KIAA0040: variants seen among roughly 807,000 people sequenced by gnomAD.
The protein encoded by KIAA0040 is uncharacterized protein KIAA0040.
Under a neutral mutation model 7.2 loss-of-function variants are expected in KIAA0040, and 10 were observed. That is an observed-to-expected ratio of 1.38 (90% CI 0.85 to 2.34). The LOEUF is 2.34. Ranked by LOEUF, KIAA0040 falls within the 30% of genes most tolerant of loss-of-function variation. The pLI is 0.00. For synonymous variants in KIAA0040, 49 were observed against 40.1 expected, an observed-to-expected ratio of 1.22 and a Z score of -0.84; for missense variants, 89 against 108.2, an observed-to-expected ratio of 0.82 and a Z score of 0.79.
rs1676526905 is a variant in KIAA0040 at position 175,161,120 on chromosome 1, T to C, written c.-107A>G. On this transcript the variant is annotated 5_prime_UTR_variant, in exon 4 of 4. Transcript: ENST00000423313. The stretch of plus-strand genomic sequence containing the variant: ...TTGTAATTTATTCCTCTTCCAGCTT[T>C]GGGTTTGGGCATGCCACTGGCAGCA... The C allele has an allele frequency of 2.6e-6, 3 of 1,136,820 alleles. No individual in the cohort carries two copies. The highest frequency in any genetic ancestry group is 1.6e-5 in the African/African-American group (1 of 63,474). 70.4% of individuals were successfully genotyped at this position (1,136,820 alleles called of 1,614,324 possible).
In KIAA0040 at chr1:175,186,489, C is replaced by T. The variant is rs150266285; in HGVS notation, c.-384+6151G>A. Among the ~76,000 whole-genome samples, 26 of 152,288 alleles carry T rather than the reference C, an allele frequency of 1.7e-4. 1 individual carries two copies. Among genetic ancestry groups the T allele is most frequent in the Admixed American group, 1.2e-3 (18 of 15,300 alleles). On this transcript the variant is annotated intron_variant, in intron 1 of 3. Transcript: ENST00000423313. ...CTGGAAAATGTCAGTCAGGAGCATC[C>T]GAACTTCTTCCTCTGTGGCACATGC...
At chr1:175,168,200 G>A (rs776050188) in intron 2 of KIAA0040, among the ~76,000 whole-genome samples, 1 of 152,172 alleles carries the variant, frequency 6.6e-6, no homozygotes, top group Non-Finnish European at 1.5e-5. Context: ...GCATGCTCAG[G>A]TGCCCTCTAA....
intron 1 of KIAA0040, among the ~76,000 whole-genome samples, chr1:175,189,356 C>G (rs1160638998): frequency 6.6e-6 from 1 of 152,172 alleles, no homozygotes. Flanking sequence ...AAAAAAGCAT[C>G]CCCTCCATGT....
rs929341851 is a variant in KIAA0040, at chr1:175,158,754, A to C, written c.*1960T>G. On this transcript the variant is annotated 3_prime_UTR_variant, in exon 4 of 4. Transcript: ENST00000423313. ...AAGGGGTTGATGAGTGGGAGGCCTG[A>C]GTGCTTAGGCAGTTTATGGCCATAT... 2 of 152,218 alleles carry C rather than the reference A, an allele frequency of 1.3e-5. No homozygotes were observed. The highest frequency in any genetic ancestry group is 2.9e-5 in the Non-Finnish European group (2 of 68,052). 9.4% of individuals were successfully genotyped at this position (152,218 alleles called of 1,614,324 possible). A position where few individuals can be genotyped will look rare whatever the true frequency, so the allele number is the denominator to read the frequency against.
chr1:175,187,386 A>C (rs529787853), intron 1 of KIAA0040, among the ~76,000 whole-genome samples: 1 of 152,268 alleles, frequency 6.6e-6, no homozygotes, highest in African/African-American at 2.4e-5. Context: ...AGTGTGCATG[A>C]GTGGCTGTCT....
At chr1:175,192,616 A>G (rs1348650626) in intron 1 of KIAA0040, 24 bp downstream of exon 1, 2 of 152,244 alleles carry the variant, frequency 1.3e-5, no homozygotes, top group African/African-American at 2.4e-5. Flanking sequence ...TTTAAAAAAC[A>G]TAACAGAAAG....
intron 1 of KIAA0040, among the ~76,000 whole-genome samples, chr1:175,181,847 G>A (rs1677451058): frequency 6.6e-6 from 1 of 152,224 alleles, no homozygotes; most frequent in Non-Finnish European, 1.5e-5. Context: ...GGCTGCTCAA[G>A]AAACCCAGCT....
chr1:175,190,944 CT>C (rs1571222967), intron 1 of KIAA0040, among the ~76,000 whole-genome samples: 1 of 152,334 alleles, frequency 6.6e-6, no homozygotes, highest in East Asian at 1.9e-4. Flanking sequence ...CACACTTTCC[CT>C]AGGAACTCCT....
At chr1:175,173,581 G>A (rs1453177085) in intron 2 of KIAA0040, among the ~76,000 whole-genome samples, 1 of 152,192 alleles carries the variant, frequency 6.6e-6, no homozygotes, top group Non-Finnish European at 1.5e-5. Flanking sequence ...AGATCCTACT[G>A]TAACCACCAT....
chr1:175,175,337 C>T (rs1164844450), intron 2 of KIAA0040, among the ~76,000 whole-genome samples: 1 of 151,466 alleles, frequency 6.6e-6, no homozygotes, highest in Non-Finnish European at 1.5e-5. Flanking sequence ...TACCATCTCA[C>T]ACCAGTTAGA....
In KIAA0040 at chr1:175,159,308, C is replaced by A. The variant is rs11809587; in HGVS notation, c.*1406G>T. The A allele has an allele frequency of 0.14, 21,219 of 152,274 alleles. 1,633 individuals carry two copies. The highest frequency in any genetic ancestry group is 0.31 in the East Asian group (1,605 of 5,166). The allele number at this position is 152,274 out of a possible 1,614,324, so 9.4% of individuals were successfully genotyped here. Reference sequence around the variant, plus strand: ...ACATGTCCTCACATACCTCAAGGCACATGTGTCACCTACATGTGCTCTCCA... The same window carrying A: ...ACATGTCCTCACATACCTCAAGGCAAATGTGTCACCTACATGTGCTCTCCA... On this transcript the variant is annotated 3_prime_UTR_variant, in exon 4 of 4. Transcript: ENST00000423313.
chr1:175,190,858 C>T (rs559923295), intron 1 of KIAA0040, among the ~76,000 whole-genome samples: 3 of 152,332 alleles, frequency 2.0e-5, no homozygotes, highest in East Asian at 1.9e-4. Flanking sequence ...CCTTCTCAGT[C>T]TAGCAGTGTA....
Position 175,160,238 on chromosome 1 carries a change from G to C in KIAA0040, c.*476C>G, listed in dbSNP as rs1413818438. 1 of 159,172 alleles carries C rather than the reference G, an allele frequency of 6.3e-6. No homozygotes were observed. The highest frequency in any genetic ancestry group is 1.4e-5 in the Non-Finnish European group (1 of 71,518). The allele number at this position is 159,172 out of a possible 1,614,324, so 9.9% of individuals were successfully genotyped here. A position where few individuals can be genotyped will look rare whatever the true frequency, so the allele number is the denominator to read the frequency against. On this transcript the variant is annotated 3_prime_UTR_variant, in exon 4 of 4. Coordinates refer to ENST00000423313, the MANE Select transcript of KIAA0040 (RefSeq NM_014656.3). ...GTATATATGTGTCTGAATCTGGCAAGGCTTTCCCATGAGACATTTTTGTGA... is the reference window on the plus strand; with the variant it reads ...GTATATATGTGTCTGAATCTGGCAACGCTTTCCCATGAGACATTTTTGTGA...
At chr1:175,161,373 T>C (rs1676536760) in intron 3 of KIAA0040, among the ~76,000 whole-genome samples, 1 of 152,192 alleles carries the variant, frequency 6.6e-6, no homozygotes, top group Non-Finnish European at 1.5e-5. Context: ...GATATAAAAA[T>C]GAATAGTATA....
At chr1:175,161,224 G>A (rs758596544) in intron 3 of KIAA0040, 78 bp from the exon 4 acceptor site, 9 of 473,786 alleles carry the variant, frequency 1.9e-5, no homozygotes, top group Non-Finnish European at 3.4e-5. Flanking sequence ...ATAGATTTTA[G>A]GCTTAGGAAA....
At chr1:175,170,875 TATG>T (rs1676964917) in intron 2 of KIAA0040, among the ~76,000 whole-genome samples, 2 of 962 alleles carry the variant, frequency 2.1e-3, no homozygotes, top group Non-Finnish European at 4.5e-3. Flanking sequence ...TCACTAGAAG[TATG>T]ACATCTAAAC....
rs191920574 is a variant in KIAA0040 at position 175,189,490 on chromosome 1, A to T, written c.-384+3150T>A. ...CTGCACAAGCAATAGCAGAGCATTG[A>T]CTTCTTTGGGCTCTGACCATTTTAG... On this transcript the variant is annotated intron_variant, in intron 1 of 3. Transcript: ENST00000423313. Among the ~76,000 whole-genome samples the T allele has an allele frequency of 3.6e-3, 537 of 149,564 alleles. 2 individuals are homozygous for T. The highest frequency in any genetic ancestry group is 0.012 in the African/African-American group (508 of 41,328).
chr1:175,166,262 A>C (rs1203034916), intron 3 of KIAA0040, among the ~76,000 whole-genome samples: 1 of 152,210 alleles, frequency 6.6e-6, no homozygotes, highest in Non-Finnish European at 1.5e-5. Context: ...TGCTTGCTTT[A>C]GCTCCTCTGC....
chr1:175,171,194 G>A (rs1029457754), intron 2 of KIAA0040, among the ~76,000 whole-genome samples: 61 of 151,928 alleles, frequency 4.0e-4, no homozygotes, highest in Admixed American at 2.6e-4. Context: ...ATCTAATGTC[G>A]CCCAACCCCC....
Sources: allele counts gnomAD v4.1 joint callset (sites outside exome capture counted in the v4.1 genomes callset), GRCh38; gene constraint gnomAD v4.1.1; transcripts MANE v1.5; gene names NCBI Gene and HGNC (gene_info 2026-07-23, HGNC 2026-07-21).